Variants in EFR3B observed in about 807,000 individuals in gnomAD.
EFR3B encodes the protein protein EFR3 homolog B.
In EFR3B, 64 loss-of-function variants were observed where a neutral mutation model predicts 104.7. The observed-to-expected ratio is 0.61, with a 90% CI of 0.50 to 0.75. The LOEUF (loss-of-function observed/expected upper bound fraction) is 0.75, where lower values mean the gene tolerates loss of function less well. Among genes scored for constraint, EFR3B ranks in the 30% least tolerant of loss-of-function variants. The probability of loss-of-function intolerance (pLI) is 0.00; values close to 1 mark genes in which losing one functional copy is unlikely to be tolerated. For synonymous variants in EFR3B, 385 were observed against 417.9 expected, an observed-to-expected ratio of 0.92 and a Z score of 0.96; for missense variants, 750 against 1,078.5, an observed-to-expected ratio of 0.70 and a Z score of 4.27.
At chr2:25,074,218 G>A (rs1195816491) in intron 1 of EFR3B, among the ~76,000 whole-genome samples, 1 of 152,124 alleles carries the variant, frequency 6.6e-6, no homozygotes, top group Non-Finnish European at 1.5e-5. Flanking sequence ...GTGCCTCCAT[G>A]GCCCATCAGA....
At chr2:25,129,267 T>C (rs1670257801) in intron 6 of EFR3B, among the ~76,000 whole-genome samples, 1 of 147,844 alleles carries the variant, frequency 6.8e-6, no homozygotes, top group South Asian at 2.2e-4. Flanking sequence ...ATCTGTGCAC[T>C]AGGCTAGTTA....
rs192949405 is a variant in EFR3B, at chr2:25,073,486, T to C, written c.8-17839T>C. 7.9e-5 allele frequency among the ~76,000 whole-genome samples: 12 copies of C among 151,708 alleles called. No homozygotes were observed. The East Asian group carries it at 2.1e-3, about 27-fold the overall frequency. ...GATCCTCCCACCTCAGCCTCCCAAA[T>C]AGCTGGGACTACAGGTGTGTGCCAC... On this transcript the variant is annotated intron_variant, in intron 1 of 22. Transcript: ENST00000403714.
chr2:25,147,471 T>G (rs1233286033), intron 19 of EFR3B: 1 of 152,220 alleles, frequency 6.6e-6, no homozygotes, highest in African/African-American at 2.4e-5. Context: ...TACATATACT[T>G]CTGTCCTCTC....
chr2:25,049,459 C>A lies in EFR3B; in HGVS notation c.7+7140C>A, dbSNP rs796623044. ...ATAGAAGAATATATAAAAGTAGTTT[C>A]TGTCAAGAACATTAGAATTTAACTG... On this transcript the variant is annotated intron_variant, in intron 1 of 22. Transcript: ENST00000403714. Among the ~76,000 whole-genome samples, 29 of 152,288 alleles carry A rather than the reference C, an allele frequency of 1.9e-4. 1 individual carries two copies. Among genetic ancestry groups the A allele is most frequent in the African/African-American group, 6.7e-4 (28 of 41,546 alleles).
rs144775800 is a variant in EFR3B, at chr2:25,130,957, C to T, written c.849+327C>T. Reference sequence around the variant, plus strand: ...TGTTTACTAAACACTGACTTTCCATCCCATCCTTATCTCAGTGTAAACCAA... The same window carrying T: ...TGTTTACTAAACACTGACTTTCCATTCCATCCTTATCTCAGTGTAAACCAA... On this transcript the variant is annotated intron_variant, in intron 8 of 22. Transcript: ENST00000403714. The surrounding 1 kb of genome is among the most constrained non-coding windows in gnomAD (Gnocchi z 4.6). Among the ~76,000 whole-genome samples the T allele has an allele frequency of 6.6e-6, 1 of 152,266 alleles. No homozygotes were observed. Among genetic ancestry groups the T allele is most frequent in the Non-Finnish European group, 1.5e-5 (1 of 68,046 alleles).
intron 3 of EFR3B, among the ~76,000 whole-genome samples, chr2:25,101,795 G>A (rs980518905): frequency 6.6e-6 from 1 of 152,178 alleles, no homozygotes. Context: ...TATTTTAGGG[G>A]AGACATCTAG....
intron 16 of EFR3B, among the ~76,000 whole-genome samples, chr2:25,140,329 C>T (rs770395299): frequency 5.3e-5 from 8 of 152,082 alleles, no homozygotes; most frequent in Admixed American, 1.3e-4. Flanking sequence ...AAATGAAATA[C>T]ATTAGCAAAA....
rs1310528821 is a variant in EFR3B, at chr2:25,158,430, A to G, written c.*4090A>G. On this transcript the variant is annotated 3_prime_UTR_variant, in exon 23 of 23. Coordinates refer to ENST00000403714, the MANE Select transcript of EFR3B (RefSeq NM_014971.2). Reference sequence around the variant, plus strand: ...CCAGGCATCTCCCTCACACCTGGGGAAAGGTTTAGGGCAACATGTTGCCTC... The same window carrying G: ...CCAGGCATCTCCCTCACACCTGGGGGAAGGTTTAGGGCAACATGTTGCCTC... The G allele has an allele frequency of 6.6e-6, 1 of 152,204 alleles. No individual in the cohort carries two copies. The highest frequency in any genetic ancestry group is 1.5e-5 in the Non-Finnish European group (1 of 68,074). The allele number at this position is 152,204 out of a possible 1,614,324, so 9.4% of individuals were successfully genotyped here.
chr2:25,153,096 G>A (rs1671059181), intron 21 of EFR3B, among the ~76,000 whole-genome samples: 1 of 152,176 alleles, frequency 6.6e-6, no homozygotes, highest in Admixed American at 6.6e-5. Context: ...GCTCATGCCT[G>A]TACTCCCAGC....
At chr2:25,080,007 G>T in intron 1 of EFR3B, 4 of 976,894 alleles carry the variant, frequency 4.1e-6, no homozygotes, top group Non-Finnish European at 5.0e-6. Flanking sequence ...GTCGTCACAA[G>T]CAAGAATTTT....
chr2:25,098,277 G>A (rs77362414), intron 3 of EFR3B, among the ~76,000 whole-genome samples: 1 of 152,150 alleles, frequency 6.6e-6, no homozygotes, highest in African/African-American at 2.4e-5. Context: ...AGCGATTCTT[G>A]TGCAAATGAC....
intron 6 of EFR3B, 46 bp downstream of exon 6, chr2:25,128,378 C>G: frequency 6.5e-7 from 1 of 1,546,732 alleles, no homozygotes; most frequent in Non-Finnish European, 8.7e-7. Flanking sequence ...AATCAACCCT[C>G]CAAGGGCTGC....
At chr2:25,107,293 A>G (rs890661047) in intron 4 of EFR3B, among the ~76,000 whole-genome samples, 17 of 152,094 alleles carry the variant, frequency 1.1e-4, no homozygotes, top group African/African-American at 3.9e-4. Flanking sequence ...GTCAAGAAAA[A>G]GCCTCACCCT....
intron 1 of EFR3B, among the ~76,000 whole-genome samples, chr2:25,065,328 G>A (rs914420122): frequency 2.7e-5 from 4 of 149,454 alleles, no homozygotes; most frequent in Non-Finnish European, 3.0e-5. Context: ...CTACAGGTGC[G>A]CATCACCACA....
intron 4 of EFR3B, 61 bp downstream of exon 4, chr2:25,103,848 G>A: frequency 6.5e-7 from 1 of 1,543,044 alleles, no homozygotes; most frequent in Non-Finnish European, 8.8e-7. Flanking sequence ...TGGCAGGGGA[G>A]AGGGAGACCT....
At chr2:25,081,803 A>G (rs555507197) in intron 1 of EFR3B, 1 of 352,700 alleles carries the variant, frequency 2.8e-6, no homozygotes, top group East Asian at 4.5e-5. Context: ...AGGAGAGGAA[A>G]TAATTCAAAG....
intron 5 of EFR3B, among the ~76,000 whole-genome samples, 171 bp downstream of exon 5, chr2:25,121,965 T>C (rs80150843): frequency 7.2e-6 from 1 of 138,256 alleles, no homozygotes; most frequent in African/African-American, 2.8e-5. Context: ...GTGGTTTCTG[T>C]TTTTTTTTTT....
chr2:25,067,436 T>TTG (rs1558587929), intron 1 of EFR3B, among the ~76,000 whole-genome samples: 4 of 150,898 alleles, frequency 2.7e-5, no homozygotes, highest in Admixed American at 6.6e-5. Context: ...GTTTTTTTTT[T>TTG]TTTGTTTTTT....
rs754598978 is a variant in EFR3B at position 25,130,020 on chromosome 2, C to A, written c.681C>A (p.Ser227Arg). ...PLQAPEKEKE[S>R]PAELAERCLR... ...AAGCACCTGAGAAGGAGAAAGAGAGCCCCGCGGAGCTGGCTGAGAGGTGTC... is the reference window on the plus strand; with the variant it reads ...AAGCACCTGAGAAGGAGAAAGAGAGACCCGCGGAGCTGGCTGAGAGGTGTC... Residue 227 changes from serine to arginine, a missense_variant, in exon 7 of 23, where the codon AGC becomes AGA. By Grantham distance (110) the Ser-to-Arg change is moderately radical. Coordinates refer to ENST00000403714, the MANE Select transcript of EFR3B (RefSeq NM_014971.2). This position sits in a 1 kb window ranked among gnomAD's most constrained non-coding sequence, Gnocchi z 4.6. The A allele has an allele frequency of 1.3e-6, 2 of 1,551,744 alleles. No homozygotes were observed. Among genetic ancestry groups the A allele is most frequent in the South Asian group, 2.4e-5 (2 of 84,062 alleles).
Sources: gnomAD v4.1 joint callset for allele counts (sites outside exome capture counted in the v4.1 genomes callset) on GRCh38, gnomAD v4.1.1 for gene constraint, Gnocchi (gnomAD v3.1) non-coding constraint, MANE v1.5 for transcripts, NCBI Gene and HGNC (gene_info 2026-07-23, HGNC 2026-07-21) for gene names.